SCN2A: variants seen among roughly 807,000 people sequenced by gnomAD.
SCN2A encodes the protein sodium channel protein type 2 subunit alpha.
In SCN2A, 20 loss-of-function variants were observed where a neutral mutation model predicts 188.7. The ratio of observed to expected loss-of-function variants is 0.11; its 90% CI spans 0.07 to 0.15. The LOEUF (loss-of-function observed/expected upper bound fraction) is 0.15. Among genes scored for constraint, SCN2A ranks in the 10% least tolerant of loss-of-function variants. The pLI, the probability that SCN2A is intolerant of heterozygous loss-of-function variation, is 1.00. For missense variants in SCN2A, 1,278 were observed against 2,445.0 expected, an observed-to-expected ratio of 0.52 and a Z score of 10.07; for synonymous variants, 804 against 833.1, an observed-to-expected ratio of 0.97 and a Z score of 0.60.
intron 5 of SCN2A, chr2:165,309,120 C>G (rs751863902): frequency 3.8e-5 from 60 of 1,593,782 alleles, no homozygotes; most frequent in Non-Finnish European, 3.4e-6. Flanking sequence ...CCAAGGAAGA[C>G]GTAGATTTCC....
intron 1 of SCN2A, among the ~76,000 whole-genome samples, chr2:165,291,601 T>TCTCTCTCTCTCTCTCTCTCTC (rs1559340877): frequency 1.0e-4 from 9 of 86,718 alleles, no homozygotes; most frequent in African/African-American, 2.9e-4. Context: ...CTCTCTCTCT[T>TCTCTCTCTCTCTCTCTCTCTC]TCTTTCTTTG....
chr2:165,348,003 G>T (rs1699690692), intron 16 of SCN2A, among the ~76,000 whole-genome samples: 2 of 152,120 alleles, frequency 1.3e-5, no homozygotes, highest in Admixed American at 1.3e-4. Context: ...ATTACACCGA[G>T]TTGCTTAATT....
At chr2:165,297,314 G>A (rs1030959532) in intron 3 of SCN2A, among the ~76,000 whole-genome samples, 179 bp downstream of exon 3, 15 of 152,018 alleles carry the variant, frequency 9.9e-5, no homozygotes, top group South Asian at 4.1e-4. Context: ...ACTTTCCCCC[G>A]TCTTCTAAGT....
At chr2:165,335,156 A>C (rs1698917642) in intron 14 of SCN2A, among the ~76,000 whole-genome samples, 1 of 151,840 alleles carries the variant, frequency 6.6e-6, no homozygotes, top group African/African-American at 2.4e-5. Context: ...ATTAGAGGAA[A>C]ATATTGTTAA....
rs140912785 is a variant in SCN2A at position 165,331,873 on chromosome 2, A to G, written c.2388+305A>G. On this transcript the variant is annotated intron_variant, in intron 14 of 26. Transcript: ENST00000375437. ...CTGACATATTTTTAAGAACCTTAGAATAGGTTCTTTAGGACATGTCTGTGT... is the reference window on the plus strand; with the variant it reads ...CTGACATATTTTTAAGAACCTTAGAGTAGGTTCTTTAGGACATGTCTGTGT... Among the ~76,000 whole-genome samples, 8 of 152,220 alleles carry G rather than the reference A, an allele frequency of 5.3e-5. No homozygotes were observed. The East Asian group carries it at 1.5e-3, about 29-fold the overall frequency.
At chr2:165,308,532 C>T in intron 4 of SCN2A, 134 bp from the exon 5 acceptor site, 2 of 779,266 alleles carry the variant, frequency 2.6e-6, no homozygotes, top group South Asian at 3.1e-5. Context: ...ACTTAAGCCC[C>T]ACCTAAACTC....
chr2:165,261,499 G>A (rs1390009859), intron 1 of SCN2A, among the ~76,000 whole-genome samples: 1 of 152,162 alleles, frequency 6.6e-6, no homozygotes, highest in East Asian at 1.9e-4. Context: ...CTAGGTGATT[G>A]GTGTGCTGTT....
At chr2:165,328,111 A>G (rs1310868119) in intron 13 of SCN2A, 1 of 152,196 alleles carries the variant, frequency 6.6e-6, no homozygotes, top group East Asian at 1.9e-4. Flanking sequence ...GATTCCTGGA[A>G]TAATTCTTTT....
chr2:165,248,392 A>G (rs1319231719), intron 1 of SCN2A, among the ~76,000 whole-genome samples: 1 of 152,062 alleles, frequency 6.6e-6, no homozygotes, highest in Non-Finnish European at 1.5e-5. Flanking sequence ...TTGCAGGAAC[A>G]CTTCAATCCT....
chr2:165,269,933 T>C (rs1695032303), intron 1 of SCN2A: 1 of 151,980 alleles, frequency 6.6e-6, no homozygotes, highest in Non-Finnish European at 1.5e-5. Flanking sequence ...TTCCTGAATT[T>C]TTCAATCCCA....
chr2:165,376,654 C>T (rs1701329301), intron 22 of SCN2A, among the ~76,000 whole-genome samples: 1 of 151,860 alleles, frequency 6.6e-6, no homozygotes, highest in Non-Finnish European at 1.5e-5. Context: ...TCCTCCCTTC[C>T]TACTCTGAGG....
At chr2:165,284,361 G>A (rs780400030) in intron 1 of SCN2A, among the ~76,000 whole-genome samples, 1 of 151,968 alleles carries the variant, frequency 6.6e-6, no homozygotes, top group African/African-American at 2.4e-5. Context: ...TAGTAGGGAT[G>A]GGGTTTCACC....
rs796595702 is a variant in SCN2A, at chr2:165,350,460, C to CTTTTTTTTTTTTTTTT, written c.2920-3729_2920-3728insTTTTTTTTTTTTTTTT. Among the ~76,000 whole-genome samples the CTTTTTTTTTTTTTTTT allele has an allele frequency of 2.8e-4, 22 of 77,922 alleles. 1 individual carries two copies. The highest frequency in any genetic ancestry group is 6.9e-4 in the African/African-American group (16 of 23,026). The allele number at this position is 77,922 out of a possible 152,430, so 51.1% of individuals were successfully genotyped here. On this transcript the variant is annotated intron_variant, in intron 16 of 26. Transcript: ENST00000375437. ...CTGAGTGAGCTTGCTGAACTGTTTT[C>CTTTTTTTTTTTTTTTT]TTTCTTTTTTTTTTTTTTTTTTTTT...
chr2:165,257,790 G>A (rs1694395417), intron 1 of SCN2A, among the ~76,000 whole-genome samples: 1 of 152,036 alleles, frequency 6.6e-6, no homozygotes, highest in African/African-American at 2.4e-5. Context: ...CACCCCCCTC[G>A]GCCTTCCAAA....
intron 25 of SCN2A, among the ~76,000 whole-genome samples, chr2:165,384,168 A>G (rs537374238): frequency 6.6e-6 from 1 of 152,104 alleles, no homozygotes; most frequent in African/African-American, 2.4e-5. Flanking sequence ...TGGAAATTAA[A>G]ATAATATGAA....
chr2:165,354,304 A>G lies in SCN2A; in HGVS notation c.3032A>G (p.Gln1011Arg). Residue 1011 changes from glutamine to arginine, a missense_variant, in exon 17 of 27, where the codon CAG (glutamine) becomes CGG (arginine). Physicochemically the swap from Gln to Arg is conservative, Grantham distance 43. Coordinates refer to ENST00000375437, the MANE Select transcript of SCN2A (RefSeq NM_001040142.2). ...NNLQIAVGRM[Q>R]KGIDFVKRKI... ...CTCCAGATTGCTGTGGGAAGGATGC[A>G]GAAAGGAATCGATTTTGTTAAAAGA... The G allele has an allele frequency of 6.2e-7, 1 of 1,614,152 alleles. No individual in the cohort carries two copies. The highest frequency in any genetic ancestry group is 8.5e-7 in the Non-Finnish European group (1 of 1,180,012).
chr2:165,300,458 G>A (rs1490571193), intron 3 of SCN2A, among the ~76,000 whole-genome samples: 1 of 152,172 alleles, frequency 6.6e-6, no homozygotes, highest in South Asian at 2.1e-4. Flanking sequence ...ATATAAATTA[G>A]TGTCAAAGGG....
intron 26 of SCN2A, among the ~76,000 whole-genome samples, chr2:165,388,312 T>C (rs1701976743): frequency 6.6e-6 from 1 of 152,176 alleles, no homozygotes; most frequent in Non-Finnish European, 1.5e-5. Flanking sequence ...TTTGGACATA[T>C]AAATTAATTT....
rs138901763 is a variant in SCN2A at position 165,261,474 on chromosome 2, C to T, written c.-52+21834C>T. On this transcript the variant is annotated intron_variant, in intron 1 of 26. Coordinates refer to ENST00000375437, the MANE Select transcript of SCN2A (RefSeq NM_001040142.2). ...CTCCAGTTCTGAATTGTAAGTGAAA[C>T]AGGGAAGTTATATACTAGGTGATTG... is the stretch of plus-strand genomic sequence containing the variant. Among the ~76,000 whole-genome samples, 65 of 152,300 alleles carry T rather than the reference C, an allele frequency of 4.3e-4. 1 individual carries two copies. In the East Asian group the frequency reaches 0.012, roughly 28 times the overall value.
Sources: gnomAD v4.1 joint callset for allele counts (sites outside exome capture counted in the v4.1 genomes callset) on GRCh38, gnomAD v4.1.1 for gene constraint, MANE v1.5 for transcripts, NCBI Gene and HGNC (gene_info 2026-07-23, HGNC 2026-07-21) for gene names.